Variants in CDH13 observed in about 807,000 individuals in gnomAD.
CDH13 encodes the protein cadherin-13.
Under a neutral mutation model 63.8 loss-of-function variants are expected in CDH13, and 24 were observed. That is an observed-to-expected ratio of 0.38 (90% CI 0.27 to 0.53). The LOEUF is 0.53. CDH13 is among the 20% of genes least tolerant of loss of function. The pLI, the probability that CDH13 is intolerant of heterozygous loss-of-function variation, is 0.85. For missense variants in CDH13, 1,049 were observed against 903.1 expected (o/e 1.16, Z -2.07); for synonymous variants, 503 against 355.3 (o/e 1.42, Z -4.67).
intron 4 of CDH13, among the ~76,000 whole-genome samples, chr16:83,172,388 G>C (rs2037958032): frequency 6.6e-6 from 1 of 151,998 alleles, no homozygotes; most frequent in Non-Finnish European, 1.5e-5. Context: ...CTACTCATGA[G>C]GCTGATACGC....
chr16:83,179,794 T>C (rs2038275542), intron 4 of CDH13, among the ~76,000 whole-genome samples: 1 of 152,176 alleles, frequency 6.6e-6, no homozygotes, highest in Non-Finnish European at 1.5e-5. Flanking sequence ...AGATTTAGGA[T>C]AAAATACAAA....
intron 1 of CDH13, among the ~76,000 whole-genome samples, chr16:82,666,282 A>G (rs558780957): frequency 9.8e-5 from 15 of 152,334 alleles, no homozygotes; most frequent in South Asian, 2.1e-4. Flanking sequence ...TGTTGTACCA[A>G]TTATGCCACA....
At chr16:83,456,893 C>T (rs1175535228) in intron 6 of CDH13, among the ~76,000 whole-genome samples, 4 of 152,078 alleles carry the variant, frequency 2.6e-5, no homozygotes, top group Non-Finnish European at 5.9e-5. Context: ...ACCTGGGAGG[C>T]GGATGTTGCA....
At chr16:82,717,818 C>T (rs1345791178) in intron 1 of CDH13, among the ~76,000 whole-genome samples, 1 of 152,124 alleles carries the variant, frequency 6.6e-6, no homozygotes, top group East Asian at 1.9e-4. Context: ...GATTTGGTAC[C>T]TTTGGGGATC....
At chr16:82,646,135 C>G (rs1156373841) in intron 1 of CDH13, 4 of 152,240 alleles carry the variant, frequency 2.6e-5, no homozygotes, top group Non-Finnish European at 1.5e-5. Context: ...GATGTGCCAT[C>G]AACCATTTGG....
intron 1 of CDH13, among the ~76,000 whole-genome samples, chr16:82,633,567 C>T (rs143623492): frequency 1.7e-3 from 265 of 152,224 alleles, no homozygotes; most frequent in African/African-American, 6.0e-3. Flanking sequence ...TTAGTAGAGA[C>T]GGGGTTTCAC....
chr16:83,506,485 A>G (rs2074399004), intron 7 of CDH13, among the ~76,000 whole-genome samples: 1 of 152,148 alleles, frequency 6.6e-6, no homozygotes. Flanking sequence ...TTGTACCACT[A>G]CGTTCCTAAC....
chr16:82,725,068 A>G (rs2033015494), intron 1 of CDH13, among the ~76,000 whole-genome samples: 1 of 152,118 alleles, frequency 6.6e-6, no homozygotes, highest in Non-Finnish European at 1.5e-5. Context: ...TGTGATAATG[A>G]TGGTCATGGT....
chr16:83,405,561 C>T (rs890297076), intron 6 of CDH13, among the ~76,000 whole-genome samples: 1 of 152,156 alleles, frequency 6.6e-6, no homozygotes, highest in African/African-American at 2.4e-5. Flanking sequence ...GAATGTAGCC[C>T]TTTGGATTCA....
intron 1 of CDH13, among the ~76,000 whole-genome samples, chr16:82,853,670 A>T (rs1035780031): frequency 2.0e-5 from 3 of 152,192 alleles, no homozygotes; most frequent in Non-Finnish European, 4.4e-5. Context: ...GCTGATGGTA[A>T]TTTTTAGATA....
chr16:83,535,541 T>A (rs989437036), intron 7 of CDH13, among the ~76,000 whole-genome samples: 7 of 152,192 alleles, frequency 4.6e-5, no homozygotes, highest in African/African-American at 1.2e-4. Flanking sequence ...GACTTACAGC[T>A]GACCAGCTCT....
At chr16:83,590,096 A>C (rs952273518) in intron 7 of CDH13, among the ~76,000 whole-genome samples, 2 of 152,230 alleles carry the variant, frequency 1.3e-5, no homozygotes, top group Non-Finnish European at 2.9e-5. Flanking sequence ...AGATGAGGCC[A>C]TGAAGAGTTT....
chr16:83,277,417 A>G (rs562891574), intron 5 of CDH13, among the ~76,000 whole-genome samples: 5 of 152,300 alleles, frequency 3.3e-5, no homozygotes, highest in African/African-American at 1.2e-4. Context: ...TGTGGGGCCC[A>G]GGGAATCTGC....
intron 7 of CDH13, among the ~76,000 whole-genome samples, chr16:83,507,200 T>A (rs2074419690): frequency 1.3e-5 from 2 of 152,228 alleles, no homozygotes; most frequent in Admixed American, 6.5e-5. Context: ...CACAGATTGT[T>A]TAGCATTCTA....
chr16:83,166,742 T>C (rs1409484005), intron 4 of CDH13, among the ~76,000 whole-genome samples: 2 of 152,180 alleles, frequency 1.3e-5, no homozygotes, highest in African/African-American at 2.4e-5. Flanking sequence ...GTTGATAAAA[T>C]ACTATTTTCT....
intron 2 of CDH13, among the ~76,000 whole-genome samples, chr16:82,896,150 A>G (rs776223275): frequency 6.6e-6 from 1 of 152,126 alleles, no homozygotes; most frequent in East Asian, 1.9e-4. Flanking sequence ...CTGTAGAAGT[A>G]TAGGCTTCAT....
chr16:83,372,256 G>A (rs2091381106), intron 6 of CDH13, among the ~76,000 whole-genome samples: 1 of 152,190 alleles, frequency 6.6e-6, no homozygotes, highest in Admixed American at 6.5e-5. Context: ...TGCTCAACTA[G>A]TGACAGGTGA....
intron 10 of CDH13, among the ~76,000 whole-genome samples, chr16:83,741,249 A>G (rs12934964): frequency 0.11 from 17,174 of 152,148 alleles, 1,126 homozygotes; most frequent in African/African-American, 0.17. Context: ...ATTTCCTTCA[A>G]TTGGGAGTTC....
At chr16:83,587,271 A>T (rs1337575225) in intron 7 of CDH13, among the ~76,000 whole-genome samples, 1 of 152,178 alleles carries the variant, frequency 6.6e-6, no homozygotes, top group African/African-American at 2.4e-5. Flanking sequence ...TAAGGGGAGG[A>T]TGTGGTGCTG....
Sources: allele counts gnomAD v4.1 joint callset (sites outside exome capture counted in the v4.1 genomes callset), GRCh38; gene constraint gnomAD v4.1.1; transcripts MANE v1.5; gene names NCBI Gene and HGNC (gene_info 2026-07-23, HGNC 2026-07-21).